MYH11: variants seen among roughly 807,000 people sequenced by gnomAD.
The protein encoded by MYH11 is myosin heavy chain 11.
A neutral mutation model predicts 246.6 loss-of-function variants in MYH11; 80 were observed. The ratio of observed to expected loss-of-function variants is 0.32; its 90% CI spans 0.27 to 0.39. The LOEUF is 0.39. MYH11 is among the 10% of genes least tolerant of loss of function. MYH11 has a pLI of 1.00. For synonymous variants in MYH11, 1,071 were observed against 1,015.5 expected (o/e 1.05, Z -1.04); for missense variants, 2,158 against 2,546.8 (o/e 0.85, Z 3.29).
intron 1 of MYH11, among the ~76,000 whole-genome samples, chr16:15,852,912 T>A (rs1421968402): frequency 6.6e-6 from 1 of 152,178 alleles, no homozygotes; most frequent in Non-Finnish European, 1.5e-5. Flanking sequence ...TACTCAGAGA[T>A]GGCATTAGCG....
intron 2 of MYH11, among the ~76,000 whole-genome samples, chr16:15,835,888 G>T (rs557678139): frequency 6.6e-6 from 1 of 151,966 alleles, no homozygotes; most frequent in South Asian, 2.1e-4. Flanking sequence ...CTGAGTAGCT[G>T]GGATTATGAG....
intron 27 of MYH11, among the ~76,000 whole-genome samples, chr16:15,727,753 G>A (rs934254454): frequency 2.6e-5 from 4 of 152,188 alleles, no homozygotes; most frequent in African/African-American, 9.7e-5. Context: ...CAGAAGGATC[G>A]CTTAAGGCCA....
chr16:15,717,178 C>G lies in MYH11; in HGVS notation c.5466G>C (p.Lys1822Asn). 1.9e-6 allele frequency: 3 copies of G among 1,614,212 alleles called. No individual in the cohort carries two copies. The highest frequency in any genetic ancestry group is 2.5e-6 in the Non-Finnish European group (3 of 1,180,030). The stretch of plus-strand genomic sequence containing the variant: ...CGACCTGCTCCTCCAGCTGTGCAAT[C>G]TTGGCCTCCAGCGCCGCGATGGTGG... The part of the protein sequence containing the change: ...FKSTIAALEA[K>N]IAQLEEQVEQ... The change falls in exon 38 of 41, where the codon AAG becomes AAC. Residue 1822 changes from lysine to asparagine, a missense_variant. Transcript: ENST00000300036.
At chr16:15,828,083 AGAACTG>A (rs544755741) in intron 2 of MYH11, among the ~76,000 whole-genome samples, 4 of 152,328 alleles carry the variant, frequency 2.6e-5, no homozygotes, top group African/African-American at 9.6e-5. Context: ...CTAAGGGCTC[AGAACTG>A]GGTATGGGGT....
At chr16:15,726,807 C>G in intron 28 of MYH11, 41 bp downstream of exon 28, 1 of 1,602,136 alleles carries the variant, frequency 6.2e-7, no homozygotes, top group East Asian at 2.2e-5. Context: ...AACTGGGCAC[C>G]ACCCAGCACT....
chr16:15,733,546 T>C (rs2041028061), intron 26 of MYH11, among the ~76,000 whole-genome samples: 1 of 149,124 alleles, frequency 6.7e-6, no homozygotes, highest in Non-Finnish European at 1.5e-5. Context: ...TTTTTTGTTT[T>C]GTTTGTTTGT....
At chr16:15,739,148 G>A (rs1480139670) in intron 23 of MYH11, among the ~76,000 whole-genome samples, 1 of 151,398 alleles carries the variant, frequency 6.6e-6, no homozygotes, top group Non-Finnish European at 1.5e-5. Context: ...CGCCCAGGGT[G>A]GAGTGCAGTG....
intron 28 of MYH11, chr16:15,725,372 C>G: frequency 1.8e-6 from 1 of 541,470 alleles, no homozygotes; most frequent in Non-Finnish European, 3.2e-6. Flanking sequence ...GGCTGGTCCA[C>G]TCTCTAAGGC....
chr16:15,758,861 G>A (rs1407435235), intron 12 of MYH11, among the ~76,000 whole-genome samples: 1 of 151,562 alleles, frequency 6.6e-6, no homozygotes, highest in Non-Finnish European at 1.5e-5. Context: ...CTACTCAGGA[G>A]GCTGAGACAA....
intron 1 of MYH11, among the ~76,000 whole-genome samples, chr16:15,838,964 G>C (rs118187021): frequency 6.6e-6 from 1 of 151,764 alleles, no homozygotes; most frequent in East Asian, 1.9e-4. Flanking sequence ...GTCCTCATAC[G>C]ATTAAACATA....
chr16:15,816,271 A>G (rs1244750038), intron 3 of MYH11, among the ~76,000 whole-genome samples: 1 of 152,208 alleles, frequency 6.6e-6, no homozygotes, highest in African/African-American at 2.4e-5. Flanking sequence ...GCAGATCAGA[A>G]GGCTATAGTA....
intron 2 of MYH11, among the ~76,000 whole-genome samples, chr16:15,833,423 C>CGAA (rs2043806697): frequency 1.0e-5 from 1 of 95,634 alleles, no homozygotes. Flanking sequence ...GAGGAACGAA[C>CGAA]TAACTAACTC....
At position 15,720,252 on chromosome 16, in the gene MYH11, C is replaced by CT; in HGVS notation, c.4851dup (p.Ala1618SerfsTer53). 6.2e-7 allele frequency: 1 copy of CT among 1,614,170 alleles called. No homozygotes were observed. The highest frequency in any genetic ancestry group is 8.5e-7 in the Non-Finnish European group (1 of 1,180,030). On this transcript the variant is annotated frameshift_variant, in exon 34 of 41. Coordinates refer to ENST00000300036, the MANE Select transcript of MYH11 (RefSeq NM_002474.3). LOFTEE classifies it high-confidence loss of function. ...AGGTCCCCTTCCAGCTTCTTCTTTGCTGCAGCTGCCAGGGCACGTTGCTTT... is the reference window on the plus strand; with the variant it reads ...AGGTCCCCTTCCAGCTTCTTCTTTGCTTGCAGCTGCCAGGGCACGTTGCTTT...
At chr16:15,804,368 A>G (rs2042960869) in intron 3 of MYH11, among the ~76,000 whole-genome samples, 1 of 152,074 alleles carries the variant, frequency 6.6e-6, no homozygotes, top group Non-Finnish European at 1.5e-5. Context: ...CCAAAAATAC[A>G]AAAATTAGCT....
At position 15,726,035 on chromosome 16, in the gene MYH11, A is replaced by G. The variant is rs113405225; in HGVS notation, c.3858+813T>C. ...CTCTCCTAATTTTTCTACTTACCAC[A>G]GGGCCTTTGCACACGCTGTTCCCTC... On this transcript the variant is annotated intron_variant, in intron 28 of 40. Coordinates refer to ENST00000300036, the MANE Select transcript of MYH11 (RefSeq NM_002474.3). 0.011 allele frequency: 2,569 copies of G among 230,442 alleles called. 72 individuals carry two copies. Among genetic ancestry groups the G allele is most frequent in the African/African-American group, 0.054 (2,397 of 44,092 alleles). 14.3% of individuals were successfully genotyped at this position (230,442 alleles called of 1,614,324 possible). A position where few individuals can be genotyped will look rare whatever the true frequency, so the allele number is the denominator to read the frequency against.
intron 3 of MYH11, among the ~76,000 whole-genome samples, chr16:15,816,393 A>G (rs6498577): frequency 0.13 from 19,316 of 152,054 alleles, 1,279 homozygotes; most frequent in East Asian, 0.15. Context: ...TGGTGGTTAA[A>G]TACATGGAAA....
At chr16:15,814,581 AAAAG>A (rs2043220385) in intron 3 of MYH11, among the ~76,000 whole-genome samples, 7 of 115,626 alleles carry the variant, frequency 6.1e-5, no homozygotes, top group South Asian at 2.6e-4. Flanking sequence ...AAAAAAAAAA[AAAAG>A]GTACCAAGAA....
At chr16:15,764,832 G>C (rs1391036830) in intron 9 of MYH11, among the ~76,000 whole-genome samples, 1 of 152,198 alleles carries the variant, frequency 6.6e-6, no homozygotes, top group Non-Finnish European at 1.5e-5. Context: ...TAAAAACCCT[G>C]TGCTTCTTAC....
Position 15,824,738 on chromosome 16 carries a change from T to A in MYH11, c.346-1327A>T, listed in dbSNP as rs536029491. Among the ~76,000 whole-genome samples, 246 of 152,252 alleles carry A rather than the reference T, an allele frequency of 1.6e-3. 1 individual carries two copies. Among genetic ancestry groups the A allele is most frequent in the Non-Finnish European group, 2.7e-3 (182 of 68,008 alleles). On this transcript the variant is annotated intron_variant, in intron 2 of 40. Transcript: ENST00000300036. Reference sequence around the variant, plus strand: ...AAAGGTAATAATCCTCCAAGCTCTCTCTCCTCCCACCACCCTCTGATCTCT... The same window carrying A: ...AAAGGTAATAATCCTCCAAGCTCTCACTCCTCCCACCACCCTCTGATCTCT...
Sources: allele counts gnomAD v4.1 joint callset (sites outside exome capture counted in the v4.1 genomes callset), GRCh38; gene constraint gnomAD v4.1.1; transcripts MANE v1.5; gene names NCBI Gene and HGNC (gene_info 2026-07-23, HGNC 2026-07-21).